Variants in ITGB5 observed in about 807,000 individuals in gnomAD.
The protein encoded by ITGB5 is integrin beta-5.
A neutral mutation model predicts 84.8 loss-of-function variants in ITGB5; 38 were observed. The ratio of observed to expected loss-of-function variants is 0.45; its 90% CI spans 0.35 to 0.59. ITGB5 has a LOEUF of 0.59. ITGB5 is among the 20% of genes least tolerant of loss of function. The probability of loss-of-function intolerance (pLI) is 0.01; values close to 1 mark genes in which losing one functional copy is unlikely to be tolerated. For synonymous variants in ITGB5, 393 were observed against 414.4 expected (o/e 0.95, Z 0.63); for missense variants, 905 against 1,034.5 (o/e 0.87, Z 1.72).
At chr3:124,814,581 ATCC>A (rs1239963250) in intron 8 of ITGB5, among the ~76,000 whole-genome samples, 1 of 151,802 alleles carries the variant, frequency 6.6e-6, no homozygotes, top group African/African-American at 2.4e-5. Flanking sequence ...GGCTCAGGCG[ATCC>A]TCCTGCCCCA....
In ITGB5 at chr3:124,762,679, G is replaced by A. The variant is rs1342657021; in HGVS notation, c.*944C>T. On this transcript the variant is annotated 3_prime_UTR_variant, in exon 15 of 15. Coordinates refer to ENST00000296181, the MANE Select transcript of ITGB5 (RefSeq NM_002213.5). ...TGCTTGTCTGTACAATCTATTTCCA[G>A]CCTCAGCCCCTCAGAACAAGGGGTG... 6.6e-6 allele frequency: 1 copy of A among 152,258 alleles called. No homozygotes were observed. Among genetic ancestry groups the A allele is most frequent in the Non-Finnish European group, 1.5e-5 (1 of 68,066 alleles). 9.4% of individuals were successfully genotyped at this position (152,258 alleles called of 1,614,324 possible). A position where few individuals can be genotyped will look rare whatever the true frequency, so the allele number is the denominator to read the frequency against.
intron 4 of ITGB5, among the ~76,000 whole-genome samples, chr3:124,843,021 G>T (rs889823084): frequency 6.6e-6 from 1 of 152,112 alleles, no homozygotes; most frequent in African/African-American, 2.4e-5. Context: ...GGCAGCGATG[G>T]GATCTCCCTG....
At chr3:124,835,638 G>A (rs1218732243) in intron 5 of ITGB5, among the ~76,000 whole-genome samples, 1 of 152,228 alleles carries the variant, frequency 6.6e-6, no homozygotes. Flanking sequence ...ACATGTGGCG[G>A]GTCCCTCTCT....
chr3:124,892,463 G>T (rs1417090775), upstream of ITGB5, among the ~76,000 whole-genome samples: 1 of 150,382 alleles, frequency 6.6e-6, no homozygotes, highest in Non-Finnish European at 1.5e-5. Context: ...GGGGAGGGAG[G>T]TAGATTGCTT....
At chr3:124,859,519 G>T in intron 2 of ITGB5, 73 bp from the exon 3 acceptor site, 1 of 1,197,980 alleles carries the variant, frequency 8.3e-7, no homozygotes, top group Non-Finnish European at 1.2e-6. Flanking sequence ...TGTCGTGGCT[G>T]CGTCTCCATC....
intron 5 of ITGB5, among the ~76,000 whole-genome samples, chr3:124,827,704 C>T (rs960994662): frequency 3.9e-5 from 6 of 152,162 alleles, no homozygotes; most frequent in Non-Finnish European, 8.8e-5. Context: ...GTGACCTGCA[C>T]GTATACATCC....
At chr3:124,880,539 C>A (rs1934517944) in intron 1 of ITGB5, among the ~76,000 whole-genome samples, 2 of 152,108 alleles carry the variant, frequency 1.3e-5, no homozygotes, top group African/African-American at 4.8e-5. Flanking sequence ...CAGTTGAGCC[C>A]AGGAGTTCAA....
At chr3:124,819,150 T>C (rs1351863822) in intron 7 of ITGB5, among the ~76,000 whole-genome samples, 1 of 152,224 alleles carries the variant, frequency 6.6e-6, no homozygotes, top group Non-Finnish European at 1.5e-5. Flanking sequence ...CAGACTGCTC[T>C]ATTCACTCAG....
In ITGB5 at chr3:124,773,785, G is replaced by A; in HGVS notation, c.1821C>T (p.His607=). 1 of 1,613,770 alleles carries A rather than the reference G, an allele frequency of 6.2e-7. No individual in the cohort carries two copies. The highest frequency in any genetic ancestry group is 8.5e-7 in the Non-Finnish European group (1 of 1,180,050). The change falls in exon 11 of 15, where the codon CAC becomes CAT. Residue 607 remains histidine (H), a synonymous_variant. Transcript: ENST00000296181. ...TGCATTGGCACTGCCCACAGAGACAGTGCCCACGCTCGCTGCAGATCTGGC... is the reference window on the plus strand; with the variant it reads ...TGCATTGGCACTGCCCACAGAGACAATGCCCACGCTCGCTGCAGATCTGGC... ...RDGQICSERG[H]CLCGQCQCTE...
intron 1 of ITGB5, among the ~76,000 whole-genome samples, chr3:124,880,420 T>C (rs1438509103): frequency 6.6e-6 from 1 of 152,192 alleles, no homozygotes; most frequent in African/African-American, 2.4e-5. Context: ...CTTCTCAATT[T>C]TTCTGGAAAT....
At chr3:124,879,813 T>C (rs1934487576) in intron 1 of ITGB5, among the ~76,000 whole-genome samples, 2 of 152,192 alleles carry the variant, frequency 1.3e-5, no homozygotes, top group South Asian at 4.1e-4. Flanking sequence ...AACATATCCA[T>C]AGAAACCCTC....
At chr3:124,841,586 CATT>C in intron 4 of ITGB5, 35 bp from the exon 5 acceptor site, 2 of 1,602,804 alleles carry the variant, frequency 1.2e-6, no homozygotes, top group Non-Finnish European at 8.5e-7. Flanking sequence ...ACTTTTCCAT[CATT>C]GTCTGTAAAT....
chr3:124,773,230 A>ATGTT (rs1245182268), intron 11 of ITGB5, among the ~76,000 whole-genome samples: 1 of 152,052 alleles, frequency 6.6e-6, no homozygotes, highest in East Asian at 1.9e-4. Flanking sequence ...CCTTCTGATG[A>ATGTT]TGTTTGTCAG....
intron 4 of ITGB5, among the ~76,000 whole-genome samples, chr3:124,847,780 G>A (rs2065097543): frequency 6.6e-6 from 1 of 151,896 alleles, no homozygotes; most frequent in African/African-American, 2.4e-5. Flanking sequence ...AGAGACACCT[G>A]TTTTCTAATA....
chr3:124,899,853 CAAAAAAAAAAAAA>C (rs60859904), intron 1 of ITGB5, among the ~76,000 whole-genome samples: 4 of 35,008 alleles, frequency 1.1e-4, no homozygotes, highest in South Asian at 2.5e-3. Context: ...GACCCTGTCT[CAAAAAAAAAAAAA>C]AAAAAAAAAA....
At chr3:124,853,819 C>T (rs1413204468) in intron 3 of ITGB5, among the ~76,000 whole-genome samples, 1 of 152,146 alleles carries the variant, frequency 6.6e-6, no homozygotes, top group Non-Finnish European at 1.5e-5. Context: ...GAGAAGGGTA[C>T]ATAGAACATC....
chr3:124,847,561 T>C (rs1416786732), intron 4 of ITGB5, among the ~76,000 whole-genome samples: 1 of 152,190 alleles, frequency 6.6e-6, no homozygotes, highest in Non-Finnish European at 1.5e-5. Context: ...TATCCTCCTA[T>C]GCATGACCCT....
At chr3:124,778,939 C>A (rs1401665737) in intron 10 of ITGB5, among the ~76,000 whole-genome samples, 1 of 152,042 alleles carries the variant, frequency 6.6e-6, no homozygotes, top group African/African-American at 2.4e-5. Flanking sequence ...AGGGTGTGGG[C>A]TGGAGCTCAG....
At chr3:124,882,926 T>G (rs141158070) in intron 1 of ITGB5, among the ~76,000 whole-genome samples, 114 of 152,282 alleles carry the variant, frequency 7.5e-4, no homozygotes, top group Non-Finnish European at 1.5e-3. Context: ...AAACCCTGCA[T>G]TCAACGGAAG....
Sources: allele counts gnomAD v4.1 joint callset (sites outside exome capture counted in the v4.1 genomes callset), GRCh38; gene constraint gnomAD v4.1.1; transcripts MANE v1.5; gene names NCBI Gene and HGNC (gene_info 2026-07-23, HGNC 2026-07-21).